Variants in XYLT1 observed in about 807,000 individuals in gnomAD.
XYLT1 encodes xylosyltransferase 1, also known as beta-D-xylosyltransferase 1.
A neutral mutation model predicts 91.3 loss-of-function variants in XYLT1; 36 were observed. The observed-to-expected ratio is 0.39, with a 90% CI of 0.30 to 0.52. The LOEUF is 0.52. Ranked by LOEUF, XYLT1 falls within the 20% of genes least tolerant of loss-of-function variation. The pLI is 0.68. For synonymous variants in XYLT1, 588 were observed against 532.0 expected (o/e 1.11, Z -1.45); for missense variants, 1,242 against 1,284.5 (o/e 0.97, Z 0.51).
At chr16:17,307,171 C>T (rs974506120) in intron 2 of XYLT1, among the ~76,000 whole-genome samples, 8 of 152,132 alleles carry the variant, frequency 5.3e-5, no homozygotes, top group South Asian at 2.1e-4. Context: ...CTCCGCCTCC[C>T]GGGTTCAAGC....
intron 2 of XYLT1, among the ~76,000 whole-genome samples, chr16:17,261,843 G>C (rs1046430837): frequency 6.6e-6 from 1 of 152,174 alleles, no homozygotes; most frequent in Non-Finnish European, 1.5e-5. Flanking sequence ...GGCGGCTACT[G>C]GTTGTACACA....
chr16:17,327,309 C>T (rs1272962782), intron 2 of XYLT1, among the ~76,000 whole-genome samples: 1 of 151,528 alleles, frequency 6.6e-6, no homozygotes, highest in Non-Finnish European at 1.5e-5. Context: ...AACAGCCATA[C>T]TCGGGTTGAA....
chr16:17,450,359 AAAC>A (rs1319049364), intron 1 of XYLT1, among the ~76,000 whole-genome samples: 1 of 145,818 alleles, frequency 6.9e-6, no homozygotes, highest in African/African-American at 2.5e-5. Context: ...ACAAACAAAC[AAAC>A]AAAAAAAAAA....
chr16:17,322,487 G>C (rs557184593), intron 2 of XYLT1, among the ~76,000 whole-genome samples: 1 of 152,210 alleles, frequency 6.6e-6, no homozygotes, highest in South Asian at 2.1e-4. Flanking sequence ...TTTTAACAAG[G>C]GGTTTAGATC....
At chr16:17,308,345 C>G (rs2034497275) in intron 2 of XYLT1, among the ~76,000 whole-genome samples, 1 of 152,164 alleles carries the variant, frequency 6.6e-6, no homozygotes, top group Non-Finnish European at 1.5e-5. Flanking sequence ...TTGACTAAGC[C>G]TGCTTTAAAA....
At chr16:17,318,839 GGGCAGT>G in intron 2 of XYLT1, among the ~76,000 whole-genome samples, 1 of 149,832 alleles carries the variant, frequency 6.7e-6, no homozygotes, top group Middle Eastern at 3.4e-3. Flanking sequence ...CCAGGCTGAA[GGGCAGT>G]GGCACGATCT....
At chr16:17,338,484 TA>T in intron 2 of XYLT1, 1 of 456,550 alleles carries the variant, frequency 2.2e-6, no homozygotes, top group Non-Finnish European at 4.4e-6. Context: ...AAAGACTTTA[TA>T]AAGGAAGAGG....
In XYLT1 at chr16:17,470,829, G is replaced by A. The variant is rs2036981913; in HGVS notation, c.-33C>T. The A allele has an allele frequency of 4.1e-6, 4 of 987,136 alleles. No homozygotes were observed. Among genetic ancestry groups the A allele is most frequent in the Non-Finnish European group, 4.8e-6 (4 of 833,130 alleles). The allele number at this position is 987,136 out of a possible 1,614,324, so 61.1% of individuals were successfully genotyped here. A position where few individuals can be genotyped will look rare whatever the true frequency, so the allele number is the denominator to read the frequency against. ...GCGCGGCCGGCGAGCGAGGCGCGGG[G>A]ACCCCGGCACGCTCCGGGCCGCCCC... On this transcript the variant is annotated 5_prime_UTR_variant, in exon 1 of 12. Coordinates refer to ENST00000261381, the MANE Select transcript of XYLT1 (RefSeq NM_022166.4).
chr16:17,309,522 C>T (rs140488493), intron 2 of XYLT1, among the ~76,000 whole-genome samples: 27 of 152,250 alleles, frequency 1.8e-4, no homozygotes, highest in African/African-American at 5.1e-4. Context: ...GAGGGAGGCT[C>T]TTCATGGACA....
At chr16:17,348,839 G>A (rs1338108963) in intron 2 of XYLT1, among the ~76,000 whole-genome samples, 5 of 152,218 alleles carry the variant, frequency 3.3e-5, no homozygotes, top group Non-Finnish European at 5.9e-5. Context: ...AAGCTCCGCA[G>A]TATGCACAGC....
chr16:17,235,870 A>G (rs2033239552), intron 3 of XYLT1, among the ~76,000 whole-genome samples: 1 of 151,952 alleles, frequency 6.6e-6, no homozygotes, highest in Non-Finnish European at 1.5e-5. Flanking sequence ...AATCATTGTT[A>G]TTATTATTAT....
At chr16:17,469,597 A>G (rs779859311) in intron 1 of XYLT1, among the ~76,000 whole-genome samples, 2 of 150,714 alleles carry the variant, frequency 1.3e-5, no homozygotes, top group Non-Finnish European at 2.9e-5. Context: ...AGATCTGCGG[A>G]AAAAACAGTT....
At chr16:17,429,194 G>A (rs1399409308) in intron 1 of XYLT1, among the ~76,000 whole-genome samples, 1 of 152,210 alleles carries the variant, frequency 6.6e-6, no homozygotes, top group Non-Finnish European at 1.5e-5. Context: ...GAGATAATCC[G>A]AAATTCACTT....
At chr16:17,379,677 A>T in intron 1 of XYLT1, among the ~76,000 whole-genome samples, 1 of 151,780 alleles carries the variant, frequency 6.6e-6, no homozygotes, top group South Asian at 2.1e-4. Context: ...CCTAGAGAAT[A>T]ACAGAAAGCC....
At chr16:17,247,973 G>A (rs118094040) in intron 3 of XYLT1, among the ~76,000 whole-genome samples, 331 of 152,306 alleles carry the variant, frequency 2.2e-3, no homozygotes, top group Admixed American at 5.2e-3. Context: ...GAGAGAGGAT[G>A]TGAGACCTGC....
chr16:17,318,986 C>T (rs1051132128), intron 2 of XYLT1, among the ~76,000 whole-genome samples: 17 of 152,084 alleles, frequency 1.1e-4, no homozygotes, highest in African/African-American at 3.6e-4. Context: ...CAGGGTTTCA[C>T]CATGTTGGCC....
chr16:17,298,960 T>C (rs546912279), intron 2 of XYLT1, among the ~76,000 whole-genome samples: 5 of 152,260 alleles, frequency 3.3e-5, no homozygotes, highest in African/African-American at 1.2e-4. Flanking sequence ...ATTATAATTA[T>C]AATCTACAAT....
intron 2 of XYLT1, among the ~76,000 whole-genome samples, chr16:17,321,530 G>A (rs772516560): frequency 2.6e-5 from 4 of 151,562 alleles, no homozygotes; most frequent in Non-Finnish European, 4.4e-5. Flanking sequence ...GCTACTTTTT[G>A]TATTTTTAGT....
chr16:17,431,538 G>A (rs1292721607), intron 1 of XYLT1, among the ~76,000 whole-genome samples: 1 of 152,196 alleles, frequency 6.6e-6, no homozygotes, highest in African/African-American at 2.4e-5. Context: ...TCATCACCAA[G>A]GAACAGAGTT....
Sources: allele counts gnomAD v4.1 joint callset (sites outside exome capture counted in the v4.1 genomes callset), GRCh38; gene constraint gnomAD v4.1.1; transcripts MANE v1.5; gene names NCBI Gene and HGNC (gene_info 2026-07-23, HGNC 2026-07-21).